The following ROBO1 variants were observed in gnomAD, a reference collection of about 807,000 sequenced individuals.
ROBO1 encodes the protein roundabout guidance receptor 1.
In ROBO1, 149 loss-of-function variants were observed where a neutral mutation model predicts 195.9. The observed-to-expected ratio is 0.76, with a 90% confidence interval of 0.67 to 0.87. The LOEUF is 0.87. Ranked by LOEUF, ROBO1 falls within the 40% of genes least tolerant of loss-of-function variation. The pLI, the probability that ROBO1 is intolerant of heterozygous loss-of-function variation, is 0.00. For missense variants in ROBO1, 1,933 were observed against 2,068.3 expected (o/e 0.93, Z 1.27); for synonymous variants, 816 against 733.2 (o/e 1.11, Z -1.82).
At chr3:78,639,303 AT>A (rs1293295921) in intron 22 of ROBO1, among the ~76,000 whole-genome samples, 1 of 151,900 alleles carries the variant, frequency 6.6e-6, no homozygotes, top group Non-Finnish European at 1.5e-5. Flanking sequence ...CTTAAAAAAA[AT>A]ATATAAAAAT....
rs190681743 is a variant in ROBO1 at position 78,924,251 on chromosome 3, T to C, written c.499+14350A>G. Among the ~76,000 whole-genome samples, 3 of 152,204 alleles carry C rather than the reference T, an allele frequency of 2.0e-5. No homozygotes were observed. In the East Asian group the frequency reaches 5.8e-4, roughly 29 times the overall value. On this transcript the variant is annotated intron_variant, in intron 4 of 30. Coordinates refer to ENST00000464233, the MANE Select transcript of ROBO1 (RefSeq NM_002941.4). Reference sequence around the variant, plus strand: ...ATCTAAACTTGAAGCTGCAAAATAATTTCAAATTAAATATTAATCAAACGT... The same window carrying C: ...ATCTAAACTTGAAGCTGCAAAATAACTTCAAATTAAATATTAATCAAACGT...
intron 9 of ROBO1, among the ~76,000 whole-genome samples, 175 bp downstream of exon 9, chr3:78,688,473 G>A (rs576308396): frequency 3.9e-5 from 6 of 152,194 alleles, no homozygotes; most frequent in South Asian, 2.1e-4. Flanking sequence ...GAATTCAAGC[G>A]GTGAAGACAA....
intron 2 of ROBO1, among the ~76,000 whole-genome samples, chr3:79,294,292 C>T (rs1418407178): frequency 6.6e-6 from 1 of 151,978 alleles, no homozygotes. Flanking sequence ...AGAAATAATG[C>T]CACACATCTA....
intron 4 of ROBO1, among the ~76,000 whole-genome samples, chr3:78,936,127 TTAAA>T (rs2039792919): frequency 6.6e-6 from 1 of 151,972 alleles, no homozygotes. Context: ...TTACTTCAAC[TTAAA>T]TAAATATTTA....
intron 4 of ROBO1, among the ~76,000 whole-genome samples, chr3:78,893,382 A>G (rs2037022288): frequency 6.6e-6 from 1 of 152,144 alleles, no homozygotes; most frequent in Non-Finnish European, 1.5e-5. Flanking sequence ...AAGATGCAAC[A>G]ATAAGGTGCC....
chr3:78,776,857 TA>T (rs2108458427), intron 4 of ROBO1, among the ~76,000 whole-genome samples: 1 of 152,282 alleles, frequency 6.6e-6, no homozygotes, highest in South Asian at 2.1e-4. Flanking sequence ...GATAATAAAA[TA>T]GCGACAAATA....
intron 2 of ROBO1, among the ~76,000 whole-genome samples, chr3:79,572,938 C>T (rs529703109): frequency 2.0e-5 from 3 of 152,040 alleles, no homozygotes; most frequent in East Asian, 3.9e-4. Flanking sequence ...GTGGGTGCAG[C>T]GTGGAGGTAG....
intron 2 of ROBO1, among the ~76,000 whole-genome samples, chr3:79,564,560 T>G (rs911876273): frequency 1.3e-5 from 2 of 152,062 alleles, no homozygotes; most frequent in African/African-American, 4.8e-5. Context: ...TTTTATGAAT[T>G]GAATGTGGGT....
intron 4 of ROBO1, among the ~76,000 whole-genome samples, chr3:78,844,420 A>T (rs2033510155): frequency 6.6e-6 from 1 of 152,100 alleles, no homozygotes. Flanking sequence ...CAAAGTTTAA[A>T]GGACCTATTA....
At chr3:79,258,698 T>C (rs2082882855) in intron 2 of ROBO1, among the ~76,000 whole-genome samples, 2 of 152,210 alleles carry the variant, frequency 1.3e-5, no homozygotes, top group Admixed American at 6.5e-5. Context: ...TCTAGGCTGA[T>C]GTTTAATCTC....
chr3:78,742,650 A>G (rs1443478852), intron 5 of ROBO1, among the ~76,000 whole-genome samples: 1 of 152,226 alleles, frequency 6.6e-6, no homozygotes, highest in African/African-American at 2.4e-5. Context: ...GGTCTTAGAA[A>G]TAGTAAAAGT....
chr3:78,827,692 G>A (rs2031752349), intron 4 of ROBO1, among the ~76,000 whole-genome samples: 1 of 152,146 alleles, frequency 6.6e-6, no homozygotes, highest in Admixed American at 6.6e-5. Flanking sequence ...ATAGGCCAGT[G>A]GGCTGGAGAC....
chr3:78,857,918 C>T (rs1576300222), intron 4 of ROBO1, among the ~76,000 whole-genome samples: 1 of 152,262 alleles, frequency 6.6e-6, no homozygotes, highest in East Asian at 1.9e-4. Flanking sequence ...GTGTACTGAA[C>T]ATAATGGAAA....
intron 4 of ROBO1, among the ~76,000 whole-genome samples, chr3:78,845,190 C>G (rs2033571534): frequency 6.6e-6 from 1 of 151,694 alleles, no homozygotes; most frequent in African/African-American, 2.4e-5. Flanking sequence ...AAAATGTGCA[C>G]AGGTTTTAGA....
intron 1 of ROBO1, among the ~76,000 whole-genome samples, chr3:79,691,120 C>T (rs1000099267): frequency 1.3e-5 from 2 of 151,788 alleles, no homozygotes; most frequent in Admixed American, 6.6e-5. Flanking sequence ...CCCTAACACA[C>T]GTAAGAACAA....
At chr3:78,769,194 A>G (rs919418077) in intron 4 of ROBO1, among the ~76,000 whole-genome samples, 33 of 151,942 alleles carry the variant, frequency 2.2e-4, no homozygotes, top group Non-Finnish European at 3.5e-4. Context: ...GTTGCTCTCC[A>G]TCTCATTTCT....
intron 2 of ROBO1, among the ~76,000 whole-genome samples, chr3:79,422,317 T>C (rs1462323873): frequency 6.6e-6 from 1 of 151,930 alleles, no homozygotes; most frequent in African/African-American, 2.4e-5. Flanking sequence ...CTTTGTCCAA[T>C]GTGTCAGCTC....
chr3:78,864,046 C>CT (rs1401683269), intron 4 of ROBO1, among the ~76,000 whole-genome samples: 1 of 152,184 alleles, frequency 6.6e-6, no homozygotes, highest in Non-Finnish European at 1.5e-5. Context: ...TTGCTGCTTT[C>CT]TATGCTATTT....
At chr3:79,020,559 G>A (rs2078078422) in intron 3 of ROBO1, among the ~76,000 whole-genome samples, 1 of 152,140 alleles carries the variant, frequency 6.6e-6, no homozygotes, top group Admixed American at 6.5e-5. Context: ...GGGCGTGGTG[G>A]CGTTCGCCTG....
Sources: gnomAD v4.1 joint callset for allele counts (sites outside exome capture counted in the v4.1 genomes callset) on GRCh38, gnomAD v4.1.1 for gene constraint, MANE v1.5 for transcripts, NCBI Gene and HGNC (gene_info 2026-07-23, HGNC 2026-07-21) for gene names.